SRBD1: variants seen among roughly 807,000 people sequenced by gnomAD.
SRBD1 encodes S1 RNA-binding domain-containing protein 1.
In SRBD1, 88 loss-of-function variants were observed where a neutral mutation model predicts 115.3. That is an observed-to-expected ratio of 0.76 (90% CI 0.64 to 0.91). The LOEUF is 0.91. Ranked by LOEUF, SRBD1 falls within the 40% of genes least tolerant of loss-of-function variation. The probability of loss-of-function intolerance (pLI) is 0.00; values close to 1 mark genes in which losing one functional copy is unlikely to be tolerated. For missense variants in SRBD1, 1,385 were observed against 1,177.4 expected (o/e 1.18, Z -2.58); for synonymous variants, 509 against 407.7 (o/e 1.25, Z -2.99).
intron 14 of SRBD1, among the ~76,000 whole-genome samples, chr2:45,537,464 A>T (rs575679132): frequency 1.3e-5 from 2 of 152,166 alleles, no homozygotes; most frequent in Non-Finnish European, 2.9e-5. Context: ...CCCAGCACAC[A>T]ATACTGTGCC....
intron 15 of SRBD1, among the ~76,000 whole-genome samples, chr2:45,479,255 TAAAAGG>T (rs1465096490): frequency 6.6e-6 from 1 of 152,070 alleles, no homozygotes; most frequent in African/African-American, 2.4e-5. Context: ...AGTGTTCAAG[TAAAAGG>T]AAGAGTCGCA....
intron 9 of SRBD1, among the ~76,000 whole-genome samples, chr2:45,567,086 T>C (rs1441118073): frequency 6.6e-6 from 1 of 152,122 alleles, no homozygotes; most frequent in African/African-American, 2.4e-5. Flanking sequence ...ACAAAATAAT[T>C]CTACCACGAA....
rs148769968 is a variant in SRBD1 at position 45,414,410 on chromosome 2, G to A, written c.2334-1117C>T. Among the ~76,000 whole-genome samples, 7 of 143,424 alleles carry A rather than the reference G, an allele frequency of 4.9e-5. No homozygotes were observed. The East Asian group carries it at 1.2e-3, about 25-fold the overall frequency. 94.1% of individuals were successfully genotyped at this position (143,424 alleles called of 152,430 possible). A position where few individuals can be genotyped will look rare whatever the true frequency, so the allele number is the denominator to read the frequency against. On this transcript the variant is annotated intron_variant, in intron 18 of 20. Coordinates refer to ENST00000263736, the MANE Select transcript of SRBD1 (RefSeq NM_018079.5). ...AATGATGTAAATATATATACATTATGTGTATATACACATATATACATATAC... is the reference window on the plus strand; with the variant it reads ...AATGATGTAAATATATATACATTATATGTATATACACATATATACATATAC...
intron 20 of SRBD1, among the ~76,000 whole-genome samples, chr2:45,391,544 T>C (rs1041955886): frequency 5.3e-5 from 8 of 152,184 alleles, no homozygotes; most frequent in African/African-American, 1.9e-4. Flanking sequence ...ATGTGTTTAG[T>C]AGTAAGATGA....
At chr2:45,447,072 T>C (rs1375297102) in intron 16 of SRBD1, 2 of 152,258 alleles carry the variant, frequency 1.3e-5, no homozygotes, top group African/African-American at 4.8e-5. Flanking sequence ...GCATAATGAA[T>C]ACTTTCTCCT....
chr2:45,435,574 A>AG (rs1491529727), intron 16 of SRBD1, among the ~76,000 whole-genome samples: 2 of 18,166 alleles, frequency 1.1e-4, no homozygotes, highest in South Asian at 4.3e-3. Context: ...AAAAAAAAAC[A>AG]AAAAAAAAAA....
chr2:45,439,364 T>C (rs1022208898), intron 16 of SRBD1, among the ~76,000 whole-genome samples: 6 of 147,794 alleles, frequency 4.1e-5, no homozygotes, highest in African/African-American at 1.5e-4. Flanking sequence ...CTAGGACATA[T>C]ATATATATAT....
chr2:45,607,393 T>G (rs1674307279), intron 1 of SRBD1, among the ~76,000 whole-genome samples: 1 of 152,056 alleles, frequency 6.6e-6, no homozygotes, highest in South Asian at 2.1e-4. Context: ...AAAAATTTAT[T>G]CCCCAATAAC....
intron 4 of SRBD1, among the ~76,000 whole-genome samples, chr2:45,593,064 G>A (rs189825395): frequency 6.6e-6 from 1 of 152,196 alleles, no homozygotes; most frequent in East Asian, 1.9e-4. Flanking sequence ...AAAATTAACT[G>A]GCAGATAGGA....
chr2:45,483,617 T>C (rs1422230907), intron 15 of SRBD1, among the ~76,000 whole-genome samples: 3 of 152,168 alleles, frequency 2.0e-5, no homozygotes, highest in Non-Finnish European at 4.4e-5. Context: ...CTGTACTCTC[T>C]TTAAAATTTG....
At chr2:45,481,017 T>C (rs1669947268) in intron 15 of SRBD1, among the ~76,000 whole-genome samples, 1 of 152,130 alleles carries the variant, frequency 6.6e-6, no homozygotes, top group African/African-American at 2.4e-5. Flanking sequence ...TAACCACCAC[T>C]CTGGTCAGCA....
chr2:45,444,210 A>G (rs1318392232), intron 16 of SRBD1, among the ~76,000 whole-genome samples: 1 of 152,128 alleles, frequency 6.6e-6, no homozygotes, highest in Non-Finnish European at 1.5e-5. Flanking sequence ...GCTTGAGACC[A>G]GCCTGGGCAA....
chr2:45,413,439 A>G (rs1016970953), intron 18 of SRBD1, 146 bp from the exon 19 acceptor site: 9 of 918,854 alleles, frequency 9.8e-6, no homozygotes, highest in African/African-American at 1.7e-5. Context: ...AGAAACTACC[A>G]CTTATTTGTT....
chr2:45,489,494 G>A (rs1469886681), intron 14 of SRBD1, among the ~76,000 whole-genome samples: 2 of 152,018 alleles, frequency 1.3e-5, no homozygotes, highest in Non-Finnish European at 2.9e-5. Context: ...AGATTATTCT[G>A]GGGAATGTGA....
intron 16 of SRBD1, among the ~76,000 whole-genome samples, chr2:45,464,569 G>A (rs1426593243): frequency 6.6e-6 from 1 of 152,176 alleles, no homozygotes; most frequent in Non-Finnish European, 1.5e-5. Context: ...CACAAAGAAG[G>A]GAAAGAATGT....
intron 9 of SRBD1, among the ~76,000 whole-genome samples, chr2:45,564,691 T>G (rs1672772214): frequency 6.6e-6 from 1 of 152,152 alleles, no homozygotes; most frequent in Non-Finnish European, 1.5e-5. Flanking sequence ...CAAAAAAAGT[T>G]CACAACTTAC....
intron 11 of SRBD1, among the ~76,000 whole-genome samples, chr2:45,553,183 T>A (rs1007911353): frequency 1.3e-5 from 2 of 152,322 alleles, no homozygotes; most frequent in East Asian, 3.9e-4. Context: ...AGTCCTTCTA[T>A]TAGTCCGTTC....
intron 1 of SRBD1, among the ~76,000 whole-genome samples, chr2:45,609,466 ATCAAC>A (rs1674377379): frequency 1.3e-5 from 2 of 152,112 alleles, no homozygotes. Context: ...TTCTCCACTT[ATCAAC>A]TCAAGATCAT....
At chr2:45,497,880 C>A (rs1482338015) in intron 14 of SRBD1, among the ~76,000 whole-genome samples, 1 of 152,174 alleles carries the variant, frequency 6.6e-6, no homozygotes, top group South Asian at 2.1e-4. Context: ...ACTAAAAATA[C>A]AAAATCAGCC....
Sources: allele counts gnomAD v4.1 joint callset (sites outside exome capture counted in the v4.1 genomes callset), GRCh38; gene constraint gnomAD v4.1.1; transcripts MANE v1.5; gene names NCBI Gene and HGNC (gene_info 2026-07-23, HGNC 2026-07-21).